MAL2: variants seen among roughly 807,000 people sequenced by gnomAD.
The protein encoded by MAL2 is protein MAL2.
MAL2 carries 17 observed loss-of-function variants against 18.1 expected under a neutral mutation model. The observed-to-expected ratio is 0.94, with a 90% confidence interval of 0.64 to 1.41. MAL2 has a LOEUF of 1.41. MAL2 is among the 40% of genes most tolerant of loss of function. The probability of loss-of-function intolerance (pLI) is 0.00; values close to 1 mark genes in which losing one functional copy is unlikely to be tolerated. For missense variants in MAL2, 222 were observed against 231.9 expected (o/e 0.96, Z 0.28); for synonymous variants, 102 against 102.3 (o/e 1.00, Z 0.02).
intron 2 of MAL2, among the ~76,000 whole-genome samples, chr8:119,230,758 GCAT>G (rs1237118439): frequency 6.6e-6 from 1 of 152,106 alleles, no homozygotes; most frequent in Non-Finnish European, 1.5e-5. Flanking sequence ...CTAAGATCTA[GCAT>G]CATTTCATTT....
intron 2 of MAL2, among the ~76,000 whole-genome samples, chr8:119,239,141 A>G (rs1241633746): frequency 1.3e-5 from 2 of 152,268 alleles, no homozygotes; most frequent in Non-Finnish European, 2.9e-5. Flanking sequence ...TCTCAAAAGA[A>G]GACATTTATG....
chr8:119,242,700 G>A (rs1818070606), intron 3 of MAL2, among the ~76,000 whole-genome samples: 1 of 152,108 alleles, frequency 6.6e-6, no homozygotes. Flanking sequence ...TGGTTTCCTG[G>A]TTAAGAATCC....
At chr8:119,239,641 A>G (rs1265478052) in intron 2 of MAL2, among the ~76,000 whole-genome samples, 9 of 151,680 alleles carry the variant, frequency 5.9e-5, no homozygotes, top group South Asian at 2.1e-4. Context: ...GAAATTGGAA[A>G]TCATCATTCT....
chr8:119,233,758 C>G (rs949312395), intron 2 of MAL2, among the ~76,000 whole-genome samples: 1 of 151,880 alleles, frequency 6.6e-6, no homozygotes, highest in Non-Finnish European at 1.5e-5. Flanking sequence ...CAAGGAGGAA[C>G]TGGTACCATT....
chr8:119,227,200 A>G (rs1196397130), intron 2 of MAL2, among the ~76,000 whole-genome samples: 4 of 152,232 alleles, frequency 2.6e-5, no homozygotes, highest in Non-Finnish European at 4.4e-5. Flanking sequence ...GCCAAAAAGG[A>G]AAAGCCTAGC....
At chr8:119,230,083 T>C (rs185541410) in intron 2 of MAL2, among the ~76,000 whole-genome samples, 1 of 152,250 alleles carries the variant, frequency 6.6e-6, no homozygotes, top group East Asian at 1.9e-4. Context: ...TGGCCACTGG[T>C]GTCAAGTGTT....
chr8:119,225,657 A>G (rs1817577172), intron 2 of MAL2, among the ~76,000 whole-genome samples: 1 of 152,188 alleles, frequency 6.6e-6, no homozygotes. Flanking sequence ...GCTGGGTCAA[A>G]TGGTATTCCT....
In MAL2 at chr8:119,208,834, C is replaced by T; in HGVS notation, c.132+230C>T. ...GCTCCCCCGCGGGCGACGGAAATTG[C>T]CTGGGGAGGGCGAGTAGGCGGCCCG... On this transcript the variant is annotated intron_variant, in intron 1 of 3. Coordinates refer to ENST00000614891, the MANE Select transcript of MAL2 (RefSeq NM_052886.3). This position sits in a 1 kb window ranked among gnomAD's most constrained non-coding sequence, Gnocchi z 4.3. 3.6e-6 allele frequency: 2 copies of T among 559,276 alleles called. No homozygotes were observed. Among genetic ancestry groups the T allele is most frequent in the Non-Finnish European group, 5.2e-6 (2 of 388,034 alleles). The allele number at this position is 559,276 out of a possible 1,614,324, so 34.6% of individuals were successfully genotyped here.
In MAL2 at chr8:119,245,047, C is replaced by T. The variant is rs1201377649; in HGVS notation, c.*1559C>T. On this transcript the variant is annotated 3_prime_UTR_variant, in exon 4 of 4. Transcript: ENST00000614891. ...ATCCGTGCTTAATGATCAAGTGTTA[C>T]TTATCTAATAATCCTCTAGAAAGAA... 1 of 152,538 alleles carries T rather than the reference C, an allele frequency of 6.6e-6. No homozygotes were observed. Among genetic ancestry groups the T allele is most frequent in the African/African-American group, 2.4e-5 (1 of 41,418 alleles). 9.4% of individuals were successfully genotyped at this position (152,538 alleles called of 1,614,324 possible). A position where few individuals can be genotyped will look rare whatever the true frequency, so the allele number is the denominator to read the frequency against.
At chr8:119,232,180 A>C (rs1817746085) in intron 2 of MAL2, among the ~76,000 whole-genome samples, 1 of 152,062 alleles carries the variant, frequency 6.6e-6, no homozygotes. Flanking sequence ...ACAATGTATA[A>C]ATATTTAAAA....
intron 2 of MAL2, among the ~76,000 whole-genome samples, chr8:119,234,305 C>T (rs1029774931): frequency 3.5e-4 from 54 of 152,170 alleles, no homozygotes; most frequent in African/African-American, 1.0e-3. Context: ...CTGGGAGGGT[C>T]CTATGCCCAC....
chr8:119,243,000 A>G (rs750159193), intron 3 of MAL2, among the ~76,000 whole-genome samples: 6 of 152,208 alleles, frequency 3.9e-5, no homozygotes, highest in Non-Finnish European at 8.8e-5. Context: ...TTCCATCATC[A>G]TAGAAATTAT....
intron 2 of MAL2, among the ~76,000 whole-genome samples, chr8:119,234,202 G>C (rs759691755): frequency 1.3e-5 from 2 of 152,160 alleles, no homozygotes; most frequent in African/African-American, 4.8e-5. Flanking sequence ...GGTGACGGAC[G>C]CACCGGGAAA....
At chr8:119,230,683 A>G (rs1817701505) in intron 2 of MAL2, among the ~76,000 whole-genome samples, 1 of 152,298 alleles carries the variant, frequency 6.6e-6, no homozygotes, top group Non-Finnish European at 1.5e-5. Flanking sequence ...ATTTCTGATG[A>G]TTCACCTCAG....
At chr8:119,235,063 A>G (rs1256092530) in intron 2 of MAL2, among the ~76,000 whole-genome samples, 3 of 151,562 alleles carry the variant, frequency 2.0e-5, no homozygotes, top group African/African-American at 7.3e-5. Flanking sequence ...AACTTTGAAA[A>G]AAATTTAGAA....
rs1044073834 is a variant in MAL2, at chr8:119,234,724, T to A, written c.304-5441T>A. On this transcript the variant is annotated intron_variant, in intron 2 of 3. Transcript: ENST00000614891. ...ACTCACAATTCACACGGCAGGGTAT[T>A]CCAACAGACCTGCAGCTGAGGGTCC... Among the ~76,000 whole-genome samples, 14 of 151,648 alleles carry A rather than the reference T, an allele frequency of 9.2e-5. 1 individual carries two copies. Among genetic ancestry groups the A allele is most frequent in the African/African-American group, 3.4e-4 (14 of 40,990 alleles).
chr8:119,241,972 G>A (rs1335714720), intron 3 of MAL2, among the ~76,000 whole-genome samples: 4 of 152,054 alleles, frequency 2.6e-5, no homozygotes, highest in African/African-American at 9.7e-5. Flanking sequence ...GAATCCTTGT[G>A]ATCCACATTA....
Position 119,208,836 on chromosome 8 carries a change from TG to T in MAL2, c.132+236del. On this transcript the variant is annotated intron_variant, in intron 1 of 3. Transcript: ENST00000614891. This position sits in a 1 kb window ranked among gnomAD's most constrained non-coding sequence, Gnocchi z 4.3. The stretch of plus-strand genomic sequence containing the variant: ...TCCCCCGCGGGCGACGGAAATTGCC[TG>T]GGGAGGGCGAGTAGGCGGCCCGGCA... 1.8e-6 allele frequency: 1 copy of T among 545,110 alleles called. No homozygotes were observed. The highest frequency in any genetic ancestry group is 2.7e-6 in the Non-Finnish European group (1 of 375,964). 33.8% of individuals were successfully genotyped at this position (545,110 alleles called of 1,614,324 possible). A position where few individuals can be genotyped will look rare whatever the true frequency, so the allele number is the denominator to read the frequency against.
At chr8:119,218,459 C>T (rs1468172576) in intron 1 of MAL2, among the ~76,000 whole-genome samples, 1 of 152,144 alleles carries the variant, frequency 6.6e-6, no homozygotes. Context: ...CCTCCCCTGC[C>T]TACCTTTCCA....
Sources: gnomAD v4.1 joint callset for allele counts (sites outside exome capture counted in the v4.1 genomes callset) on GRCh38, gnomAD v4.1.1 for gene constraint, Gnocchi (gnomAD v3.1) non-coding constraint, MANE v1.5 for transcripts, NCBI Gene and HGNC (gene_info 2026-07-23, HGNC 2026-07-21) for gene names.